ROS1: variants seen among roughly 807,000 people sequenced by gnomAD.
ROS1 encodes proto-oncogene tyrosine-protein kinase ROS.
A neutral mutation model predicts 273.5 loss-of-function variants in ROS1; 263 were observed. The ratio of observed to expected loss-of-function variants is 0.96; its 90% CI spans 0.87 to 1.06. ROS1 has a LOEUF of 1.06. ROS1 is among the 50% of genes least tolerant of loss of function. The pLI is 0.00. For missense variants in ROS1, 2,833 were observed against 2,751.1 expected, an observed-to-expected ratio of 1.03 and a Z score of -0.67; for synonymous variants, 1,008 against 954.1, an observed-to-expected ratio of 1.06 and a Z score of -1.04.
intron 43 of ROS1, among the ~76,000 whole-genome samples, chr6:117,292,734 T>C (rs1318567857): frequency 6.6e-6 from 1 of 152,208 alleles, no homozygotes; most frequent in Non-Finnish European, 1.5e-5. Flanking sequence ...TGCAAAACTG[T>C]TCCTCTTCCT....
chr6:117,288,602 C>T lies in ROS1; in HGVS notation c.6916G>A (p.Asp2306Asn), dbSNP rs2128520793. 6.2e-7 allele frequency: 1 copy of T among 1,614,160 alleles called. No homozygotes were observed. The highest frequency in any genetic ancestry group is 2.2e-5 in the East Asian group (1 of 44,880). The change falls in exon 44 of 44, where the codon GAC becomes AAC. Residue 2306 changes from aspartate to asparagine, a missense_variant. Asp to Asn is a conservative substitution (Grantham distance 23). Coordinates refer to ENST00000368507, the MANE Select transcript of ROS1 (RefSeq NM_001378902.1). ...LRKEEKEPHA[D>N]KDFCQEKQVA... The stretch of plus-strand genomic sequence containing the variant: ...TGTTTTTCTTGGCAGAAATCTTTGT[C>T]TGCATGTGGTTCCTTCTCTTCTTTC...
intron 5 of ROS1, among the ~76,000 whole-genome samples, chr6:117,407,070 A>G (rs80052312): frequency 3.1e-5 from 1 of 32,578 alleles, no homozygotes; most frequent in South Asian, 2.0e-3. Context: ...CGTGACACAG[A>G]AAAAAAAAAA....
intron 33 of ROS1, among the ~76,000 whole-genome samples, chr6:117,327,428 G>T (rs538881069): frequency 1.3e-5 from 2 of 152,310 alleles, no homozygotes; most frequent in South Asian, 4.1e-4. Flanking sequence ...TGATCCAAAA[G>T]AAAGAGGCCC....
chr6:117,394,585 C>A, intron 10 of ROS1, 31 bp downstream of exon 10: 1 of 1,491,432 alleles, frequency 6.7e-7, no homozygotes, highest in Non-Finnish European at 8.9e-7. Flanking sequence ...TCTTTTCACA[C>A]TAAGGAATCA....
chr6:117,343,789 G>A (rs1215033198), intron 28 of ROS1, among the ~76,000 whole-genome samples: 1 of 152,118 alleles, frequency 6.6e-6, no homozygotes, highest in Non-Finnish European at 1.5e-5. Context: ...GATAATCAGG[G>A]AGGGGAATAA....
intron 10 of ROS1, 100 bp downstream of exon 10, chr6:117,394,516 T>C: frequency 9.9e-7 from 1 of 1,008,718 alleles, no homozygotes; most frequent in South Asian, 3.0e-5. Flanking sequence ...ATTAAGAGAA[T>C]ATGTTCCAGA....
intron 18 of ROS1, among the ~76,000 whole-genome samples, chr6:117,370,676 G>A (rs762592403): frequency 6.6e-6 from 1 of 152,024 alleles, no homozygotes; most frequent in Non-Finnish European, 1.5e-5. Context: ...CATTTATGAA[G>A]GATATATTTG....
Position 117,425,538 on chromosome 6 carries a change from T to C in ROS1, c.119A>G (p.Asn40Ser). 6.3e-7 allele frequency: 1 copy of C among 1,593,158 alleles called. No homozygotes were observed. The highest frequency in any genetic ancestry group is 1.8e-5 in the Admixed American group (1 of 54,596). ...ATATTAGATTGTGAGACTTACCAGA[T>C]TAGTTACACACGACTTTAGGCAGCT... ...LNSCLKSCVT[N>S]LGQQLDLGTP... The change falls in exon 1 of 44, where the codon AAT (asparagine) becomes AGT (serine). Residue 40 changes from asparagine (N) to serine (S), a missense_variant. Coordinates refer to ENST00000368507, the MANE Select transcript of ROS1 (RefSeq NM_001378902.1).
intron 21 of ROS1, among the ~76,000 whole-genome samples, chr6:117,363,211 G>A (rs910344538): frequency 6.6e-6 from 1 of 152,100 alleles, no homozygotes; most frequent in Non-Finnish European, 1.5e-5. Context: ...CTTTTATCCT[G>A]ACAGAGTGAT....
In ROS1 at chr6:117,418,464, G is replaced by T; in HGVS notation, c.166C>A (p.Pro56Thr). 1 of 1,594,294 alleles carries T rather than the reference G, an allele frequency of 6.3e-7. No individual in the cohort carries two copies. The highest frequency in any genetic ancestry group is 2.3e-5 in the East Asian group (1 of 44,218). The change falls in exon 2 of 44, where the codon CCG becomes ACG. Residue 56 changes from proline to threonine, a missense_variant and splice_region_variant. Physicochemically the swap from Pro to Thr is conservative, Grantham distance 38. Coordinates refer to ENST00000368507, the MANE Select transcript of ROS1 (RefSeq NM_001378902.1). ...TGACAACTGAAGAAATTACTTACCG[G>T]TTCACTCAGATTATGTGGTGTGCCA... is the stretch of plus-strand genomic sequence containing the variant. ...DLGTPHNLSE[P>T]CIQGCHFWNS...
rs376680651 is a variant in ROS1, at chr6:117,365,097, G to T, written c.3066C>A (p.Gly1022=). The T allele has an allele frequency of 6.2e-7, 1 of 1,613,790 alleles. No individual in the cohort carries two copies. Among genetic ancestry groups the T allele is most frequent in the Non-Finnish European group, 8.5e-7 (1 of 1,179,802 alleles). The change falls in exon 21 of 44, where the codon GGC becomes GGA. Residue 1022 remains glycine (G), a synonymous_variant. Coordinates refer to ENST00000368507, the MANE Select transcript of ROS1 (RefSeq NM_001378902.1). The part of the protein sequence containing the change: ...SVTPYTYWGK[G]PKTSLSLRAP... ...CTCGAAGTGACAGAGATGTTTTGGG[G>T]CCCTTTCCCCAGTAGGTATAAGGAG...
intron 17 of ROS1, among the ~76,000 whole-genome samples, chr6:117,381,188 T>G (rs946524420): frequency 5.9e-5 from 9 of 151,634 alleles, no homozygotes; most frequent in African/African-American, 2.2e-4. Context: ...GGACTGTTTT[T>G]TTTTTTTTTT....
chr6:117,370,334 A>G (rs1395123038), intron 18 of ROS1, among the ~76,000 whole-genome samples: 1 of 152,100 alleles, frequency 6.6e-6, no homozygotes, highest in African/African-American at 2.4e-5. Flanking sequence ...AGAAATCTTT[A>G]CCTTTAGAGT....
At chr6:117,296,623 C>T (rs1051172346) in intron 43 of ROS1, among the ~76,000 whole-genome samples, 1 of 151,884 alleles carries the variant, frequency 6.6e-6, no homozygotes, top group African/African-American at 2.4e-5. Flanking sequence ...CCCATGGAGA[C>T]AGAGAGTAGA....
intron 26 of ROS1, among the ~76,000 whole-genome samples, chr6:117,354,941 C>A (rs773457878): frequency 7.9e-5 from 12 of 152,182 alleles, no homozygotes; most frequent in Non-Finnish European, 1.5e-4. Context: ...AATACAGGGA[C>A]AGCATCCAGG....
At chr6:117,311,682 T>C (rs377116848) in intron 39 of ROS1, among the ~76,000 whole-genome samples, 2 of 152,126 alleles carry the variant, frequency 1.3e-5, no homozygotes, top group African/African-American at 2.4e-5. Context: ...ACGAGCCCCA[T>C]GCAAATTGTT....
intron 4 of ROS1, among the ~76,000 whole-genome samples, chr6:117,412,556 G>A (rs1014635895): frequency 2.0e-5 from 3 of 151,652 alleles, no homozygotes; most frequent in African/African-American, 7.3e-5. Context: ...TCCTAAAGGT[G>A]TGGATAACTG....
chr6:117,346,119 A>C (rs1219538970), intron 27 of ROS1, among the ~76,000 whole-genome samples: 1 of 152,186 alleles, frequency 6.6e-6, no homozygotes, highest in African/African-American at 2.4e-5. Context: ...TGGGATACAC[A>C]TGTGAGCAAT....
intron 7 of ROS1, among the ~76,000 whole-genome samples, chr6:117,401,108 C>G (rs1236109032): frequency 6.6e-6 from 1 of 152,174 alleles, no homozygotes; most frequent in Non-Finnish European, 1.5e-5. Flanking sequence ...CTTGCCAAAT[C>G]CATTCAGCCA....
Sources: gnomAD v4.1 joint callset for allele counts (sites outside exome capture counted in the v4.1 genomes callset) on GRCh38, gnomAD v4.1.1 for gene constraint, MANE v1.5 for transcripts, NCBI Gene and HGNC (gene_info 2026-07-23, HGNC 2026-07-21) for gene names.